Variants in MICAL3 observed in about 807,000 individuals in gnomAD.
The protein encoded by MICAL3 is microtubule associated monooxygenase, calponin and LIM domain containing 3.
MICAL3 carries 62 observed loss-of-function variants against 207.4 expected under a neutral mutation model. That is an observed-to-expected ratio of 0.30 (90% confidence interval 0.24 to 0.37). MICAL3 has a LOEUF of 0.37. Among genes scored for constraint, MICAL3 ranks in the 10% least tolerant of loss-of-function variants. The pLI is 1.00. For synonymous variants in MICAL3, 1,077 were observed against 1,069.3 expected, an observed-to-expected ratio of 1.01 and a Z score of -0.14; for missense variants, 2,368 against 2,635.6, an observed-to-expected ratio of 0.90 and a Z score of 2.22.
intron 1 of MICAL3, among the ~76,000 whole-genome samples, chr22:18,023,760 G>C (rs1924632108): frequency 6.6e-6 from 1 of 152,216 alleles, no homozygotes; most frequent in Admixed American, 6.5e-5. Context: ...CGCGCGCCGC[G>C]GGCGGGTGCA....
chr22:17,875,670 T>C, intron 16 of MICAL3: 1 of 275,340 alleles, frequency 3.6e-6, no homozygotes, highest in Non-Finnish European at 6.3e-6. Context: ...TTTATCTAAA[T>C]ACCATGTATA....
At chr22:17,871,383 C>A (rs1927709882) in intron 17 of MICAL3, among the ~76,000 whole-genome samples, 1 of 152,204 alleles carries the variant, frequency 6.6e-6, no homozygotes, top group Admixed American at 6.5e-5. Context: ...ACACGGGCCA[C>A]CTTGCAGACA....
intron 1 of MICAL3, among the ~76,000 whole-genome samples, chr22:17,960,860 C>T (rs938862803): frequency 6.6e-6 from 1 of 152,120 alleles, no homozygotes; most frequent in African/African-American, 2.4e-5. Flanking sequence ...CACGGGGTCA[C>T]TGGGAGTCCT....
chr22:17,791,648 GCTATGTACTAGGTCTC>G, intron 29 of MICAL3: 1 of 327,398 alleles, frequency 3.1e-6, no homozygotes, highest in Non-Finnish European at 5.9e-6. Flanking sequence ...TTTGGCACTT[GCTATGTACTAGGTCTC>G]CTTGGAGGAA....
intron 1 of MICAL3, among the ~76,000 whole-genome samples, chr22:17,968,525 G>C (rs1298016638): frequency 6.6e-6 from 1 of 152,144 alleles, no homozygotes; most frequent in Non-Finnish European, 1.5e-5. Context: ...ACAAAACAAA[G>C]ATATATTAGT....
At chr22:18,014,885 C>T (rs1299861963) in intron 1 of MICAL3, among the ~76,000 whole-genome samples, 4 of 150,972 alleles carry the variant, frequency 2.6e-5, no homozygotes, top group South Asian at 2.1e-4. Context: ...CCCAGCTACT[C>T]GGGAGGCTGA....
intron 29 of MICAL3, among the ~76,000 whole-genome samples, chr22:17,798,515 G>A (rs1460266514): frequency 6.6e-6 from 1 of 152,146 alleles, no homozygotes. Flanking sequence ...GCCTCTCTGG[G>A]CAGCCACGTG....
intron 13 of MICAL3, among the ~76,000 whole-genome samples, chr22:17,888,312 C>CCTACA (rs1052294045): frequency 6.6e-6 from 1 of 151,748 alleles, no homozygotes; most frequent in African/African-American, 2.4e-5. Flanking sequence ...CTAGCCTCAA[C>CCTACA]CTACACTTAC....
At chr22:17,842,237 T>A in intron 19 of MICAL3, 1 of 586,106 alleles carries the variant, frequency 1.7e-6, no homozygotes, top group Non-Finnish European at 3.0e-6. Flanking sequence ...GCCCTCCAGG[T>A]CAGAGCGTTC....
chr22:18,018,364 G>C (rs1924205239), intron 1 of MICAL3, among the ~76,000 whole-genome samples: 1 of 152,106 alleles, frequency 6.6e-6, no homozygotes, highest in African/African-American at 2.4e-5. Context: ...GACTTTAAAA[G>C]TTTCTTGACC....
intron 1 of MICAL3, among the ~76,000 whole-genome samples, chr22:17,928,637 C>A (rs1933052020): frequency 1.3e-5 from 2 of 152,188 alleles, no homozygotes; most frequent in Admixed American, 6.5e-5. Flanking sequence ...TTGGTGGACA[C>A]ATTCACTCCT....
chr22:17,868,320 A>T (rs1057118057), intron 17 of MICAL3, among the ~76,000 whole-genome samples: 16 of 133,446 alleles, frequency 1.2e-4, no homozygotes, highest in African/African-American at 2.9e-4. Flanking sequence ...TTTTTAAATT[A>T]AAAAAAAAAA....
At chr22:17,842,108 G>T in intron 19 of MICAL3, 91 bp from the exon 20 acceptor site, 3 of 1,260,196 alleles carry the variant, frequency 2.4e-6, no homozygotes, top group Non-Finnish European at 3.3e-6. Context: ...AGGCCCTCCT[G>T]CCAGAATGTG....
chr22:17,797,221 C>T (rs117602899), intron 29 of MICAL3, among the ~76,000 whole-genome samples: 4,214 of 152,162 alleles, frequency 0.028, 60 homozygotes, highest in South Asian at 0.049. Flanking sequence ...TCAGAAAGCT[C>T]GGAGGTACGG....
intron 19 of MICAL3, chr22:17,860,279 AACTC>A (rs936631050): frequency 4.1e-6 from 4 of 985,362 alleles, no homozygotes; most frequent in Non-Finnish European, 4.8e-6. Context: ...ATTAAATAAA[AACTC>A]ACAAAGAAAC....
intron 28 of MICAL3, among the ~76,000 whole-genome samples, chr22:17,810,273 C>G (rs533185554): frequency 6.6e-6 from 1 of 152,128 alleles, no homozygotes; most frequent in South Asian, 2.1e-4. Flanking sequence ...CCGTGTTAGC[C>G]AGGATGGTCT....
At chr22:17,891,702 T>C (rs2146233792) in intron 11 of MICAL3, 70 bp from the exon 12 acceptor site, 2 of 1,479,218 alleles carry the variant, frequency 1.4e-6, no homozygotes, top group East Asian at 4.6e-5. Context: ...ATCCTCTTTG[T>C]AGGACACATG....
intron 19 of MICAL3, among the ~76,000 whole-genome samples, chr22:17,846,887 C>G (rs953589288): frequency 6.6e-6 from 1 of 152,188 alleles, no homozygotes; most frequent in East Asian, 1.9e-4. Context: ...TGGGCCATAT[C>G]CTAAATAGGA....
chr22:17,839,258 A>T (rs1344259967), intron 20 of MICAL3, among the ~76,000 whole-genome samples: 122 of 110,334 alleles, frequency 1.1e-3, no homozygotes, highest in African/African-American at 1.3e-3. Flanking sequence ...CGGGCTCTTC[A>T]TTTTTTTTTT....
Sources: gnomAD v4.1 joint callset for allele counts (sites outside exome capture counted in the v4.1 genomes callset) on GRCh38, gnomAD v4.1.1 for gene constraint, MANE v1.5 for transcripts, NCBI Gene and HGNC (gene_info 2026-07-23, HGNC 2026-07-21) for gene names.